SUV39H2: variants seen among roughly 807,000 people sequenced by gnomAD.
SUV39H2 encodes SUV39H2 histone lysine methyltransferase.
Under a neutral mutation model 47.5 loss-of-function variants are expected in SUV39H2, and 10 were observed. The observed-to-expected ratio is 0.21, with a 90% confidence interval of 0.13 to 0.36. The LOEUF (loss-of-function observed/expected upper bound fraction) is 0.36. Ranked by LOEUF, SUV39H2 falls within the 10% of genes least tolerant of loss-of-function variation. SUV39H2 has a pLI of 1.00. For missense variants in SUV39H2, 266 were observed against 487.4 expected, an observed-to-expected ratio of 0.55 and a Z score of 4.28; for synonymous variants, 159 against 166.8, an observed-to-expected ratio of 0.95 and a Z score of 0.36.
At position 14,901,177 on chromosome 10, in the gene SUV39H2, C is replaced by A. The variant is rs61730323; in HGVS notation, c.1041C>A (p.Leu347=). The change falls in exon 5 of 6, where the codon CTC becomes CTA. Residue 347 remains leucine (L), a synonymous_variant. Coordinates refer to ENST00000354919, the MANE Select transcript of SUV39H2 (RefSeq NM_001193424.2). ...TGTTCAATGTTTTCATTGATAACCT[C>A]GATACTCGTCTTCCCCGAATAGCAT... The part of the protein sequence containing the change: ...LQVFNVFIDN[L]DTRLPRIALF... The A allele has an allele frequency of 9.9e-6, 16 of 1,613,776 alleles. No individual in the cohort carries two copies. Among genetic ancestry groups the A allele is most frequent in the Non-Finnish European group, 1.2e-5 (14 of 1,179,936 alleles).
chr10:14,897,182 A>G lies in SUV39H2; in HGVS notation c.514A>G (p.Ile172Val). The change falls in exon 3 of 6, where the codon ATT becomes GTT. Residue 172 changes from isoleucine (I) to valine (V), a missense_variant. Ile to Val is a conservative substitution (Grantham distance 29). Coordinates refer to ENST00000354919, the MANE Select transcript of SUV39H2 (RefSeq NM_001193424.2). ...LEGPPSDFYY[I>V]NEYKPAPGIS... ...GGGCCCACCTTCAGACTTCTATTAC[A>G]TTAACGAATACAAACCAGCTCCTGG... 6.2e-7 allele frequency: 1 copy of G among 1,613,852 alleles called. No individual in the cohort carries two copies. Among genetic ancestry groups the G allele is most frequent in the Non-Finnish European group, 8.5e-7 (1 of 1,180,036 alleles).
intron 2 of SUV39H2, among the ~76,000 whole-genome samples, chr10:14,890,340 A>C (rs1343795051): frequency 6.6e-6 from 1 of 152,212 alleles, no homozygotes; most frequent in East Asian, 1.9e-4. Flanking sequence ...TCCATTGACT[A>C]TAATAGTTCT....
chr10:14,888,841 A>G (rs962529635), intron 2 of SUV39H2, among the ~76,000 whole-genome samples: 50 of 152,224 alleles, frequency 3.3e-4, no homozygotes, highest in Admixed American at 2.2e-3. Flanking sequence ...GCAGTGGCTC[A>G]CGCCTGTAAT....
At position 14,901,765 on chromosome 10, in the gene SUV39H2, G is replaced by A. The variant is rs114049512; in HGVS notation, c.1126+503G>A. On this transcript the variant is annotated intron_variant, in intron 5 of 5. Transcript: ENST00000354919. ...AGGATGGCTTGAGACAGGGAGGTTG[G>A]GGCTACAGTTGAGCTGTGAATAGCA... Among the ~76,000 whole-genome samples, 575 of 151,852 alleles carry A rather than the reference G, an allele frequency of 3.8e-3. 3 individuals carry two copies. The highest frequency in any genetic ancestry group is 0.013 in the African/African-American group (535 of 41,422).
At chr10:14,897,675 C>T (rs1477541550) in intron 3 of SUV39H2, 158 bp downstream of exon 3, 1 of 579,630 alleles carries the variant, frequency 1.7e-6, no homozygotes, top group East Asian at 3.5e-5. Flanking sequence ...AGTTCACTGG[C>T]ATATTTAGAA....
chr10:14,879,219 C>T (rs911908609), intron 1 of SUV39H2: 7 of 914,184 alleles, frequency 7.7e-6, no homozygotes, highest in South Asian at 5.4e-5. Flanking sequence ...CCGTGGCGGC[C>T]TCGGGCTTCG....
chr10:14,879,849 C>G (rs2131665331), intron 1 of SUV39H2: 1 of 151,226 alleles, frequency 6.6e-6, no homozygotes, highest in South Asian at 2.1e-4. Context: ...AAATCTTTTT[C>G]TGCATTACTG....
chr10:14,899,099 C>T (rs952085913), intron 3 of SUV39H2: 11 of 628,850 alleles, frequency 1.7e-5, no homozygotes, highest in Non-Finnish European at 2.0e-5. Context: ...GCTGGAGGCT[C>T]ACTTGAGCCC....
chr10:14,901,537 C>T (rs1005799365), intron 5 of SUV39H2, among the ~76,000 whole-genome samples: 1 of 151,398 alleles, frequency 6.6e-6, no homozygotes, highest in Non-Finnish European at 1.5e-5. Context: ...TAATACTGTA[C>T]TACTTGTCTT....
chr10:14,899,303 G>C, intron 3 of SUV39H2: 1 of 697,924 alleles, frequency 1.4e-6, no homozygotes, highest in Non-Finnish European at 2.6e-6. Flanking sequence ...CTGAGTGACA[G>C]AGTGAGACCC....
At chr10:14,894,034 A>G (rs553038068) in intron 2 of SUV39H2, among the ~76,000 whole-genome samples, 1 of 152,350 alleles carries the variant, frequency 6.6e-6, no homozygotes, top group African/African-American at 2.4e-5. Context: ...AGCATCTGAA[A>G]AATTTAAAAT....
At chr10:14,888,837 G>T (rs1488845114) in intron 2 of SUV39H2, among the ~76,000 whole-genome samples, 2 of 152,124 alleles carry the variant, frequency 1.3e-5, no homozygotes, top group Non-Finnish European at 2.9e-5. Context: ...GGGTGCAGTG[G>T]CTCACGCCTG....
At chr10:14,901,916 TTATTC>T (rs1834051013) in intron 5 of SUV39H2, among the ~76,000 whole-genome samples, 1 of 152,220 alleles carries the variant, frequency 6.6e-6, no homozygotes, top group Non-Finnish European at 1.5e-5. Context: ...ACATACAAAT[TTATTC>T]TATTCCTACT....
At chr10:14,882,258 C>T (rs559703844) in intron 2 of SUV39H2, among the ~76,000 whole-genome samples, 11 of 152,320 alleles carry the variant, frequency 7.2e-5, no homozygotes, top group Admixed American at 2.6e-4. Flanking sequence ...ATTCATCTGT[C>T]TATAGCCTAC....
chr10:14,897,214 C>A lies in SUV39H2; in HGVS notation c.546C>A (p.Ser182Arg). The A allele has an allele frequency of 6.2e-7, 1 of 1,613,874 alleles. No individual in the cohort carries two copies. The highest frequency in any genetic ancestry group is 8.5e-7 in the Non-Finnish European group (1 of 1,180,032). The stretch of plus-strand genomic sequence containing the variant: ...AATACAAACCAGCTCCTGGAATCAG[C>A]TTAGTCAATGAAGCTACCTTTGGTT... Reference protein sequence around the residue: ...INEYKPAPGISLVNEATFGCS... With the variant: ...INEYKPAPGIRLVNEATFGCS... Residue 182 changes from serine (S) to arginine (R), a missense_variant, in exon 3 of 6, where the codon AGC (serine) becomes AGA (arginine). Ser to Arg is a moderately radical substitution (Grantham distance 110). Transcript: ENST00000354919.
At chr10:14,900,390 T>C (rs941888409) in intron 4 of SUV39H2, among the ~76,000 whole-genome samples, 2 of 152,228 alleles carry the variant, frequency 1.3e-5, no homozygotes, top group Non-Finnish European at 1.5e-5. Context: ...CACAAAGTTA[T>C]ATAGCTGAAC....
chr10:14,881,015 G>A (rs901430130), intron 1 of SUV39H2, among the ~76,000 whole-genome samples: 2 of 151,958 alleles, frequency 1.3e-5, no homozygotes, highest in Admixed American at 6.6e-5. Context: ...ATTTCAGTTC[G>A]TTTTGTCCAG....
intron 2 of SUV39H2, among the ~76,000 whole-genome samples, chr10:14,882,154 C>T (rs371446532): frequency 1.1e-3 from 170 of 152,312 alleles, no homozygotes; most frequent in African/African-American, 3.8e-3. Context: ...TAAGCAAACT[C>T]GTTTCACTTC....
chr10:14,892,714 A>G (rs1255183242), intron 2 of SUV39H2, among the ~76,000 whole-genome samples: 3 of 152,060 alleles, frequency 2.0e-5, no homozygotes, highest in African/African-American at 7.2e-5. Context: ...CTAGTAATAT[A>G]TTTCCCTATA....
Sources: gnomAD v4.1 joint callset for allele counts (sites outside exome capture counted in the v4.1 genomes callset) on GRCh38, gnomAD v4.1.1 for gene constraint, MANE v1.5 for transcripts, NCBI Gene and HGNC (gene_info 2026-07-23, HGNC 2026-07-21) for gene names.